Variants in NIPBL observed in about 807,000 individuals in gnomAD.
The protein encoded by NIPBL is nipped-B-like protein.
Under a neutral mutation model 321.8 loss-of-function variants are expected in NIPBL, and 19 were observed. The ratio of observed to expected loss-of-function variants is 0.06; its 90% CI spans 0.04 to 0.09. The LOEUF is 0.09. Ranked by LOEUF, NIPBL falls within the 10% of genes least tolerant of loss-of-function variation. NIPBL has a pLI of 1.00. For synonymous variants in NIPBL, 1,106 were observed against 1,114.1 expected, an observed-to-expected ratio of 0.99 and a Z score of 0.14; for missense variants, 2,210 against 3,327.0, an observed-to-expected ratio of 0.66 and a Z score of 8.26.
Position 36,985,121 on chromosome 5 carries a change from A to G in NIPBL, c.1941A>G (p.Gln647=). The change falls in exon 10 of 47, where the codon CAA becomes CAG. Residue 647 remains glutamine, a synonymous_variant. Transcript: ENST00000282516. ...ENKLETKVET[Q]TEELKQNESR... ...AGTTAGAAACTAAAGTTGAGACCCA[A>G]ACAGAAGAACTTAAACAGAATGAGA... 1 of 1,613,960 alleles carries G rather than the reference A, an allele frequency of 6.2e-7. No individual in the cohort carries two copies.
At chr5:36,949,154 A>T (rs1740006084) in intron 1 of NIPBL, among the ~76,000 whole-genome samples, 1 of 151,872 alleles carries the variant, frequency 6.6e-6, no homozygotes. Flanking sequence ...CTCATATATC[A>T]GAGATGAGGA....
chr5:37,058,856 GTT>G (rs773788047), intron 43 of NIPBL, 33 bp from the exon 44 acceptor site: 8 of 1,603,982 alleles, frequency 5.0e-6, no homozygotes, highest in Non-Finnish European at 6.8e-6. Flanking sequence ...GTGGCATTTT[GTT>G]TTTATTGTTT....
At chr5:36,930,350 T>C (rs1379113738) in intron 1 of NIPBL, among the ~76,000 whole-genome samples, 1 of 152,074 alleles carries the variant, frequency 6.6e-6, no homozygotes, top group East Asian at 1.9e-4. Flanking sequence ...ATTTCATTTT[T>C]GCATTTTTGC....
chr5:36,881,235 G>C (rs1745479290), intron 1 of NIPBL, among the ~76,000 whole-genome samples: 1 of 151,392 alleles, frequency 6.6e-6, no homozygotes, highest in Non-Finnish European at 1.5e-5. Flanking sequence ...TATGTGCTTA[G>C]AATATTTTGC....
At chr5:36,880,848 C>T (rs1745449492) in intron 1 of NIPBL, among the ~76,000 whole-genome samples, 1 of 151,894 alleles carries the variant, frequency 6.6e-6, no homozygotes, top group African/African-American at 2.4e-5. Flanking sequence ...GAGAAGTGAC[C>T]AGCTTTCCGT....
rs142362859 is a variant in NIPBL, at chr5:36,946,578, G to GTGTGTGTATA, written c.-79-7036_-79-7027dup. On this transcript the variant is annotated intron_variant, in intron 1 of 46. Coordinates refer to ENST00000282516, the MANE Select transcript of NIPBL (RefSeq NM_133433.4). The stretch of plus-strand genomic sequence containing the variant: ...TGTGTATATATATGCATGTGTCTGT[G>GTGTGTGTATA]TGTGTGTATATGTATATATATACAC... Among the ~76,000 whole-genome samples, 450 of 151,138 alleles carry GTGTGTGTATA rather than the reference G, an allele frequency of 3.0e-3. 13 individuals carry two copies. In the East Asian group the frequency reaches 0.076, roughly 25 times the overall value.
In NIPBL at chr5:37,022,169, C is replaced by A. The variant is rs148675296; in HGVS notation, c.5427+20C>A. 4 of 1,612,926 alleles carry A rather than the reference C, an allele frequency of 2.5e-6. No individual in the cohort carries two copies. The Admixed American group carries it at 6.7e-5, about 27-fold the overall frequency. On this transcript the variant is annotated intron_variant, in intron 28 of 46. Transcript: ENST00000282516. Reference sequence around the variant, plus strand: ...GCAAGGGTAAAGAGCAAAAATGATTCTTTCTTTTCTACTCGAATTGGAATA... The same window carrying A: ...GCAAGGGTAAAGAGCAAAAATGATTATTTCTTTTCTACTCGAATTGGAATA...
chr5:37,026,389 GTC>G, intron 31 of NIPBL, 62 bp downstream of exon 31: 1 of 874,558 alleles, frequency 1.1e-6, no homozygotes, highest in East Asian at 2.5e-5. Flanking sequence ...AGGCCTACAT[GTC>G]TTATGAAGGA....
intron 1 of NIPBL, among the ~76,000 whole-genome samples, chr5:36,949,771 G>C (rs1740065208): frequency 6.6e-6 from 1 of 151,744 alleles, no homozygotes; most frequent in South Asian, 2.1e-4. Flanking sequence ...TTCCAAATCT[G>C]TCCCAATTTT....
At position 36,985,706 on chromosome 5, in the gene NIPBL, A is replaced by C. The variant is rs1164963636; in HGVS notation, c.2526A>C (p.Arg842Ser). ...GAGGGGATCAGTCTAGGGTTCGAAG[A>C]CCAGAAACATTGAGATCCTCTAGTA... ...RHRGDQSRVR[R>S]PETLRSSSRN... Residue 842 changes from arginine (R) to serine (S), a missense_variant, in exon 10 of 47, where the codon AGA becomes AGC. Physicochemically the swap from Arg to Ser is moderately radical, Grantham distance 110. This residue lies in a region of NIPBL where 588 missense variants were observed against 564.1 expected (regional missense o/e 1.04). Transcript: ENST00000282516. 6.2e-7 allele frequency: 1 copy of C among 1,613,882 alleles called. No homozygotes were observed. Among genetic ancestry groups the C allele is most frequent in the African/African-American group, 1.3e-5 (1 of 75,022 alleles).
chr5:36,941,743 TTAAA>T (rs747079943), intron 1 of NIPBL, among the ~76,000 whole-genome samples: 11 of 152,150 alleles, frequency 7.2e-5, no homozygotes, highest in African/African-American at 1.2e-4. Context: ...AACTCTATTA[TTAAA>T]TAAATCAGAA....
rs140761163 is a variant in NIPBL, at chr5:36,910,560, T to C, written c.-80+33382T>C. Among the ~76,000 whole-genome samples, 735 of 152,356 alleles carry C rather than the reference T, an allele frequency of 4.8e-3. 4 individuals carry two copies. Among genetic ancestry groups the C allele is most frequent in the Admixed American group, 7.2e-3 (110 of 15,302 alleles). Reference sequence around the variant, plus strand: ...CTAGTTCACTTCATACCTAGATTATTATAGTAGCCTGTGAAGCTGGTCTCT... The same window carrying C: ...CTAGTTCACTTCATACCTAGATTATCATAGTAGCCTGTGAAGCTGGTCTCT... On this transcript the variant is annotated intron_variant, in intron 1 of 46. Transcript: ENST00000282516.
chr5:36,923,382 A>G (rs1024553357), intron 1 of NIPBL, among the ~76,000 whole-genome samples: 2 of 152,098 alleles, frequency 1.3e-5, no homozygotes, highest in African/African-American at 4.8e-5. Context: ...TCTGAGATAT[A>G]TATATATTTT....
chr5:36,910,477 G>GT (rs1427062989), intron 1 of NIPBL, among the ~76,000 whole-genome samples: 1 of 152,140 alleles, frequency 6.6e-6, no homozygotes, highest in East Asian at 1.9e-4. Context: ...ATCTTCAGTT[G>GT]TTGGGTCCAA....
At position 36,985,662 on chromosome 5, in the gene NIPBL, G is replaced by A. The variant is rs1312089036; in HGVS notation, c.2482G>A (p.Gly828Ser). 4.3e-6 allele frequency: 7 copies of A among 1,613,812 alleles called. No homozygotes were observed. In the African/African-American group the frequency reaches 9.3e-5, roughly 22 times the overall value. ...TAATAAACAAAAATCAGATGACAGG[G>A]GTGAATCAGAGCGACATCGAGGGGA... ...HDNKQKSDDR[G>S]ESERHRGDQS... Residue 828 changes from glycine to serine, a missense_variant, in exon 10 of 47, where the codon GGT (glycine) becomes AGT (serine). By Grantham distance (56) the Gly-to-Ser change is moderately conservative. This residue lies in a region of NIPBL where 588 missense variants were observed against 564.1 expected (regional missense o/e 1.04). Coordinates refer to ENST00000282516, the MANE Select transcript of NIPBL (RefSeq NM_133433.4).
rs1273119655 is a variant in NIPBL, at chr5:36,961,558, A to T, written c.433A>T (p.Thr145Ser). ...SSPASSNYQQTTISHSPSSRF... is the reference protein window; with the variant it reads ...SSPASSNYQQSTISHSPSSRF... Reference sequence around the variant, plus strand: ...TCCTGCATCTTCCAATTATCAACAAACCACTATCTCACATAGCCCCTCCAG... The same window carrying T: ...TCCTGCATCTTCCAATTATCAACAATCCACTATCTCACATAGCCCCTCCAG... The change falls in exon 5 of 47, where the codon ACC (threonine) becomes TCC (serine). Residue 145 changes from threonine to serine, a missense_variant. Thr to Ser is a moderately conservative substitution (Grantham distance 58, BLOSUM62 1). Coordinates refer to ENST00000282516, the MANE Select transcript of NIPBL (RefSeq NM_133433.4). The T allele has an allele frequency of 1.2e-6, 2 of 1,607,496 alleles. No individual in the cohort carries two copies. The highest frequency in any genetic ancestry group is 4.5e-5 in the East Asian group (2 of 44,726).
chr5:36,880,067 A>C (rs904396687), intron 1 of NIPBL, among the ~76,000 whole-genome samples: 9 of 152,070 alleles, frequency 5.9e-5, no homozygotes, highest in Non-Finnish European at 1.3e-4. Flanking sequence ...AGGGATGTAA[A>C]GTGAAAGTTT....
chr5:37,036,745 A>T (rs1751743732), intron 33 of NIPBL, among the ~76,000 whole-genome samples: 2 of 151,686 alleles, frequency 1.3e-5, no homozygotes, highest in Admixed American at 6.6e-5. Flanking sequence ...ATAGCATATT[A>T]TAATTTTAGA....
intron 29 of NIPBL, 71 bp downstream of exon 29, chr5:37,022,461 G>C (rs1749756870): frequency 1.8e-5 from 24 of 1,363,894 alleles, no homozygotes; most frequent in Admixed American, 7.4e-5. Context: ...TTGTTTTAAA[G>C]TGTTAAGTTA....
Sources: gnomAD v4.1 joint callset for allele counts (sites outside exome capture counted in the v4.1 genomes callset) on GRCh38, gnomAD v4.1.1 for gene constraint, gnomAD v4.1.1 regional missense constraint, MANE v1.5 for transcripts, NCBI Gene and HGNC (gene_info 2026-07-23, HGNC 2026-07-21) for gene names.